The following STXBP2 variants were observed in gnomAD, a reference collection of about 807,000 sequenced individuals.
STXBP2 encodes the protein syntaxin-binding protein 2.
In STXBP2, 47 loss-of-function variants were observed where a neutral mutation model predicts 72.2. That is an observed-to-expected ratio of 0.65 (90% CI 0.51 to 0.83). The LOEUF is 0.83. Ranked by LOEUF, STXBP2 falls within the 40% of genes least tolerant of loss-of-function variation. The probability of loss-of-function intolerance (pLI) is 0.00; values close to 1 mark genes in which losing one functional copy is unlikely to be tolerated. For synonymous variants in STXBP2, 367 were observed against 338.7 expected (o/e 1.08, Z -0.92); for missense variants, 702 against 807.6 (o/e 0.87, Z 1.58).
chr19:7,632,749 G>T, upstream of STXBP2: 2 of 1,566,672 alleles, frequency 1.3e-6, no homozygotes, highest in Non-Finnish European at 1.7e-6. This position sits in a 1 kb window ranked among gnomAD's most constrained non-coding sequence, Gnocchi z 5.2. Context: ...CCGGCTTGCA[G>T]TGAACAGCGC....
At position 7,642,528 on chromosome 19, in the gene STXBP2, T is replaced by C; in HGVS notation, c.894T>C (p.Asp298=). ...AGCTTCGCCACATGCATATCGCAGATGTGTCCAAGTGCGTGCACACGGGGA... is the reference window on the plus strand; with the variant it reads ...AGCTTCGCCACATGCATATCGCAGACGTGTCCAAGTGCGTGCACACGGGGA... ...WVELRHMHIA[D]VSKKVTELLR... Residue 298 remains aspartate (D), a synonymous_variant, in exon 10 of 19, where the codon GAT becomes GAC. Coordinates refer to ENST00000221283, the MANE Select transcript of STXBP2 (RefSeq NM_006949.4). This position sits in a 1 kb window ranked among gnomAD's most constrained non-coding sequence, Gnocchi z 6.0. 6.2e-7 allele frequency: 1 copy of C among 1,614,050 alleles called. No individual in the cohort carries two copies. The highest frequency in any genetic ancestry group is 8.5e-7 in the Non-Finnish European group (1 of 1,180,020).
Position 7,639,092 on chromosome 19 carries a change from G to A in STXBP2, c.161G>A (p.Gly54Asp). ...AAAATGTCAGATATCCTGGCTGAGGGCATCACCAGTGAGTGAACGCGTCCC... is the reference window on the plus strand; with the variant it reads ...AAAATGTCAGATATCCTGGCTGAGGACATCACCAGTGAGTGAACGCGTCCC... ...CCKMSDILAE[G>D]ITIVEDINKR... Residue 54 changes from glycine (G) to aspartate (D), a missense_variant, in exon 3 of 19, where the codon GGC becomes GAC. Physicochemically the swap from Gly to Asp is moderately conservative, Grantham distance 94 (BLOSUM62 -1). Coordinates refer to ENST00000221283, the MANE Select transcript of STXBP2 (RefSeq NM_006949.4). The A allele has an allele frequency of 6.2e-7, 1 of 1,614,186 alleles. No individual in the cohort carries two copies. Among genetic ancestry groups the A allele is most frequent in the Non-Finnish European group, 8.5e-7 (1 of 1,180,028 alleles).
the STXBP2 span, chr19:7,630,673 G>T: frequency 6.5e-7 from 1 of 1,536,286 alleles, no homozygotes; most frequent in Non-Finnish European, 8.7e-7. Context: ...GGCATAAGAG[G>T]AGTGTTTGAG....
At chr19:7,644,088 G>A (rs1174584595) in intron 13 of STXBP2, among the ~76,000 whole-genome samples, 13 of 121,946 alleles carry the variant, frequency 1.1e-4, no homozygotes, top group East Asian at 6.2e-4. Flanking sequence ...GAGCCTTGGA[G>A]AGCTGGGACC....
At chr19:7,633,021 C>A (rs949008981), upstream of STXBP2, 48 of 1,430,410 alleles carry the variant, frequency 3.4e-5, no homozygotes, top group Middle Eastern at 6.8e-4. Context: ...CCAATCCCGG[C>A]CCCCGCCCCA....
upstream of STXBP2, chr19:7,632,431 C>G (rs1190900010): frequency 6.2e-7 from 1 of 1,613,908 alleles, no homozygotes; most frequent in East Asian, 2.2e-5. The surrounding 1 kb of genome is among the most constrained non-coding windows in gnomAD (Gnocchi z 5.2). Flanking sequence ...AGGCTGCTGA[C>G]TGTCACACGT....
the STXBP2 span, chr19:7,630,564 C>T: frequency 1.4e-5 from 21 of 1,534,822 alleles, no homozygotes; most frequent in Non-Finnish European, 1.8e-5. Flanking sequence ...CCACCCTCTG[C>T]CATTCCAGAT....
chr19:7,641,145 A>G, intron 6 of STXBP2, 142 bp downstream of exon 6: 2 of 866,078 alleles, frequency 2.3e-6, no homozygotes, highest in Non-Finnish European at 3.7e-6. Flanking sequence ...CAGGAGGATC[A>G]CTTGGGGCCA....
At chr19:7,636,994 C>G (rs916592166), upstream of STXBP2, 1 of 843,626 alleles carries the variant, frequency 1.2e-6, no homozygotes, top group Non-Finnish European at 1.6e-6. Flanking sequence ...AGGGACTCAA[C>G]TTCCTGGGCC....
In STXBP2 at chr19:7,643,026, A is replaced by G. The variant is rs749761917; in HGVS notation, c.1004A>G (p.Gln335Arg). 1 of 1,614,206 alleles carries G rather than the reference A, an allele frequency of 6.2e-7. No individual in the cohort carries two copies. Among genetic ancestry groups the G allele is most frequent in the Non-Finnish European group, 8.5e-7 (1 of 1,180,032 alleles). Reference sequence around the variant, plus strand: ...TCCCAGATCCTGAAAAAGATGCCGCAGTACCAGAAGGAGCTGAATAAGGTG... The same window carrying G: ...TCCCAGATCCTGAAAAAGATGCCGCGGTACCAGAAGGAGCTGAATAAGGTG... The part of the protein sequence containing the change: ...DLSQILKKMP[Q>R]YQKELNKYST... The change falls in exon 12 of 19, where the codon CAG (glutamine) becomes CGG (arginine). Residue 335 changes from glutamine (Q) to arginine (R), a missense_variant. Gln to Arg is a conservative substitution (Grantham distance 43). Transcript: ENST00000221283.
intron 4 of STXBP2, chr19:7,640,081 T>C (rs545772575): frequency 1.6e-6 from 1 of 619,070 alleles, no homozygotes; most frequent in East Asian, 3.2e-5. Context: ...TGTGTGTCTG[T>C]GGGTCTGTGT....
the STXBP2 span, chr19:7,631,747 G>C: frequency 7.0e-7 from 1 of 1,438,268 alleles, no homozygotes; most frequent in African/African-American, 1.5e-5. Flanking sequence ...GAGAGCGGTC[G>C]GGTCCTGAGG....
chr19:7,644,704 G>A lies in STXBP2; in HGVS notation c.1198G>A (p.Ala400Thr), dbSNP rs778507837. 6.8e-6 allele frequency: 11 copies of A among 1,613,642 alleles called. No individual in the cohort carries two copies. The highest frequency in any genetic ancestry group is 2.2e-5 in the East Asian group (1 of 44,864). ...GGTGCTGCTGGACGCGGCGGTGCCC[G>A]CCTACGACAAGATCCGGGTCCTGCT... ...VPVLLDAAVP[A>T]YDKIRVLLLY... is the part of the protein sequence containing the mutation. Residue 400 changes from alanine to threonine, a missense_variant, in exon 14 of 19, where the codon GCC becomes ACC. Ala to Thr is a moderately conservative substitution (Grantham distance 58). Transcript: ENST00000221283.
upstream of STXBP2, chr19:7,632,917 C>G: frequency 6.6e-7 from 1 of 1,505,036 alleles, no homozygotes; most frequent in South Asian, 1.3e-5. This position sits in a 1 kb window ranked among gnomAD's most constrained non-coding sequence, Gnocchi z 5.2. Context: ...ACACCCTGAC[C>G]CCGGGGCCTG....
At chr19:7,634,552 T>A (rs1236939533), upstream of STXBP2, among the ~76,000 whole-genome samples, 3 of 152,240 alleles carry the variant, frequency 2.0e-5, no homozygotes, top group Admixed American at 6.5e-5. Flanking sequence ...TATTTTTATA[T>A]AGAGATGAGG....
chr19:7,642,491 ACTTGTGGGTGGAGCTTCGCCACATG>A lies in STXBP2; in HGVS notation c.859_883del (p.Leu287IlefsTer13), dbSNP rs759657187. The A allele has an allele frequency of 3.7e-6, 6 of 1,613,862 alleles. No homozygotes were observed. Among genetic ancestry groups the A allele is most frequent in the Non-Finnish European group, 5.1e-6 (6 of 1,180,018 alleles). ...GCCGTCTTGCTGGACGAGGACGATG[ACTTGTGGGTGGAGCTTCGCCACATG>A]CATATCGCAGATGTGTCCAAGTGCG... On this transcript the variant is annotated frameshift_variant, in exon 10 of 19. Coordinates refer to ENST00000221283, the MANE Select transcript of STXBP2 (RefSeq NM_006949.4). LOFTEE classifies it high-confidence loss of function. The surrounding 1 kb of genome is among the most constrained non-coding windows in gnomAD (Gnocchi z 6.0).
At chr19:7,646,781 C>A (rs1753593416) in intron 16 of STXBP2, 1 of 404,030 alleles carries the variant, frequency 2.5e-6, no homozygotes, top group Non-Finnish European at 4.6e-6. Context: ...TCCCCATGGA[C>A]CTTGAATACC....
At chr19:7,646,785 G>C (rs1020018007) in intron 16 of STXBP2, 11 of 405,892 alleles carry the variant, frequency 2.7e-5, no homozygotes, top group Non-Finnish European at 5.0e-5. Context: ...CATGGACCTT[G>C]AATACCTGGA....
intron 15 of STXBP2, 173 bp downstream of exon 15, chr19:7,645,479 G>A: frequency 3.2e-6 from 2 of 619,602 alleles, no homozygotes; most frequent in Non-Finnish European, 2.9e-6. Context: ...GAGGACACTG[G>A]GGCCTCTCCC....
Sources: gnomAD v4.1 joint callset for allele counts (sites outside exome capture counted in the v4.1 genomes callset) on GRCh38, gnomAD v4.1.1 for gene constraint, Gnocchi (gnomAD v3.1) non-coding constraint, MANE v1.5 for transcripts, NCBI Gene and HGNC (gene_info 2026-07-23, HGNC 2026-07-21) for gene names.